Variants in KCNIP4 observed in about 807,000 individuals in gnomAD.
KCNIP4 encodes Kv channel-interacting protein 4.
Under a neutral mutation model 34.0 loss-of-function variants are expected in KCNIP4, and 12 were observed. That is an observed-to-expected ratio of 0.35 (90% CI 0.23 to 0.57). KCNIP4 has a LOEUF of 0.57. KCNIP4 is among the 20% of genes least tolerant of loss of function. KCNIP4 has a pLI of 0.83. For synonymous variants in KCNIP4, 124 were observed against 102.2 expected (o/e 1.21, Z -1.29); for missense variants, 238 against 311.7 (o/e 0.76, Z 1.78).
rs116772748 is a variant in KCNIP4 at position 21,796,198 on chromosome 4, T to C, written c.61+152373A>G. ...TACTCTGGTTTCTCATGGGATGTTATAGAACTTGGTTCATATGGCCTGTAA... is the reference window on the plus strand; with the variant it reads ...TACTCTGGTTTCTCATGGGATGTTACAGAACTTGGTTCATATGGCCTGTAA... On this transcript the variant is annotated intron_variant, in intron 1 of 8. Transcript: ENST00000382152. Among the ~76,000 whole-genome samples, 185 of 152,348 alleles carry C rather than the reference T, an allele frequency of 1.2e-3. 1 individual carries two copies. Among genetic ancestry groups the C allele is most frequent in the East Asian group, 5.2e-3 (27 of 5,182 alleles).
At chr4:20,987,660 C>A (rs1736695054) in intron 1 of KCNIP4, among the ~76,000 whole-genome samples, 2 of 151,946 alleles carry the variant, frequency 1.3e-5, no homozygotes, top group South Asian at 4.2e-4. Context: ...TAGTAGCTAC[C>A]AACATTTATG....
intron 1 of KCNIP4, among the ~76,000 whole-genome samples, chr4:21,437,880 AGTGTGTGTGTGTGTGT>A (rs71655635): frequency 5.6e-4 from 80 of 143,266 alleles, no homozygotes; most frequent in African/African-American, 1.8e-3. Context: ...TTATTTTACA[AGTGTGTGTGTGTGTGT>A]GTGTGTGTGT....
chr4:20,830,784 G>A (rs1298880402), intron 3 of KCNIP4, among the ~76,000 whole-genome samples: 1 of 152,160 alleles, frequency 6.6e-6, no homozygotes, highest in African/African-American at 2.4e-5. Flanking sequence ...GCTTATTGAA[G>A]TTACATCTTC....
intron 3 of KCNIP4, among the ~76,000 whole-genome samples, chr4:20,802,277 ATATATATATG>A (rs1714422922): frequency 2.1e-5 from 1 of 47,612 alleles, no homozygotes; most frequent in African/African-American, 6.0e-5. Flanking sequence ...TATATATGCT[ATATATATATG>A]CAATATATAT....
chr4:21,637,601 G>A (rs938055655), intron 1 of KCNIP4, among the ~76,000 whole-genome samples: 3 of 151,904 alleles, frequency 2.0e-5, no homozygotes, highest in Non-Finnish European at 4.4e-5. Flanking sequence ...TGGTGAACAT[G>A]GTAAAACCCT....
At chr4:21,658,444 C>T (rs1161940260) in intron 1 of KCNIP4, among the ~76,000 whole-genome samples, 2 of 152,096 alleles carry the variant, frequency 1.3e-5, no homozygotes, top group African/African-American at 2.4e-5. Flanking sequence ...GAGACTGAGT[C>T]TCACTGTATT....
At chr4:20,761,112 T>G (rs957580827) in intron 3 of KCNIP4, among the ~76,000 whole-genome samples, 1 of 152,168 alleles carries the variant, frequency 6.6e-6, no homozygotes, top group African/African-American at 2.4e-5. Context: ...AAGACGGACC[T>G]TCCCAGAGAA....
At chr4:21,106,382 C>T (rs75744712) in intron 1 of KCNIP4, among the ~76,000 whole-genome samples, 21,861 of 151,566 alleles carry the variant, frequency 0.14, 1,901 homozygotes, top group East Asian at 0.23. Flanking sequence ...AGTTTATTTG[C>T]GTAAGGATGT....
intron 1 of KCNIP4, among the ~76,000 whole-genome samples, chr4:21,537,739 C>T (rs1000437324): frequency 3.3e-5 from 5 of 151,958 alleles, no homozygotes; most frequent in South Asian, 4.1e-4. Context: ...ATTGACCTGG[C>T]GCAGTAGCTC....
At chr4:21,398,712 C>A (rs567664080) in intron 1 of KCNIP4, among the ~76,000 whole-genome samples, 3 of 152,136 alleles carry the variant, frequency 2.0e-5, no homozygotes, top group African/African-American at 7.2e-5. Flanking sequence ...CTTCTAGCAC[C>A]AGCATTTTGA....
At chr4:20,766,489 C>G (rs183300175) in intron 3 of KCNIP4, among the ~76,000 whole-genome samples, 1 of 152,308 alleles carries the variant, frequency 6.6e-6, no homozygotes, top group Non-Finnish European at 1.5e-5. Flanking sequence ...TCACTTGAAT[C>G]TGGGAGATGG....
At chr4:21,589,442 TA>T (rs1278913325) in intron 1 of KCNIP4, among the ~76,000 whole-genome samples, 2 of 149,304 alleles carry the variant, frequency 1.3e-5, no homozygotes, top group Non-Finnish European at 3.0e-5. Flanking sequence ...AGCTGAGCCT[TA>T]AAGGGCAAAA....
intron 1 of KCNIP4, among the ~76,000 whole-genome samples, chr4:21,104,154 C>T (rs1418159214): frequency 1.0e-4 from 15 of 147,280 alleles, no homozygotes; most frequent in Non-Finnish European, 1.5e-4. Context: ...CCTAAGGAAT[C>T]GCCACACTGT....
chr4:21,358,007 A>G (rs987927373), intron 1 of KCNIP4, among the ~76,000 whole-genome samples: 1 of 152,200 alleles, frequency 6.6e-6, no homozygotes, highest in Non-Finnish European at 1.5e-5. Flanking sequence ...GGATGAGTTC[A>G]CATCCTTTGT....
intron 1 of KCNIP4, among the ~76,000 whole-genome samples, chr4:21,792,552 G>T (rs956877256): frequency 4.6e-5 from 7 of 152,140 alleles, no homozygotes; most frequent in Non-Finnish European, 1.0e-4. Context: ...ACAGAAGTTT[G>T]CAAAACTCAC....
chr4:21,775,233 G>A (rs1440727980), intron 1 of KCNIP4, among the ~76,000 whole-genome samples: 1 of 152,096 alleles, frequency 6.6e-6, no homozygotes, highest in African/African-American at 2.4e-5. Context: ...TAGGGCTGCT[G>A]CAGTTTGCTC....
intron 1 of KCNIP4, among the ~76,000 whole-genome samples, chr4:20,925,362 G>T (rs6856384): frequency 2.0e-5 from 3 of 151,938 alleles, no homozygotes; most frequent in African/African-American, 7.3e-5. Context: ...GATACAGGTC[G>T]TAAAGAACTT....
intron 1 of KCNIP4, among the ~76,000 whole-genome samples, chr4:21,599,873 A>C (rs1742960928): frequency 6.6e-6 from 1 of 152,064 alleles, no homozygotes; most frequent in East Asian, 1.9e-4. Flanking sequence ...GCCCAAAGGA[A>C]GTTGTAGGGA....
At chr4:21,149,421 A>G (rs898089797) in intron 1 of KCNIP4, among the ~76,000 whole-genome samples, 5 of 152,176 alleles carry the variant, frequency 3.3e-5, no homozygotes, top group Non-Finnish European at 7.3e-5. Context: ...AGAGATTAGT[A>G]GGAGTTATCT....
Sources: gnomAD v4.1 joint callset for allele counts (sites outside exome capture counted in the v4.1 genomes callset) on GRCh38, gnomAD v4.1.1 for gene constraint, MANE v1.5 for transcripts, NCBI Gene and HGNC (gene_info 2026-07-23, HGNC 2026-07-21) for gene names.